CSMD2: variants seen among roughly 807,000 people sequenced by gnomAD.
The protein encoded by CSMD2 is CUB and sushi domain-containing protein 2.
Under a neutral mutation model 398.5 loss-of-function variants are expected in CSMD2, and 130 were observed. The ratio of observed to expected loss-of-function variants is 0.33; its 90% confidence interval spans 0.28 to 0.38. CSMD2 has a LOEUF of 0.38. Among genes scored for constraint, CSMD2 ranks in the 10% least tolerant of loss-of-function variants. CSMD2 has a pLI of 1.00. For synonymous variants in CSMD2, 1,828 were observed against 1,908.5 expected (o/e 0.96, Z 1.10); for missense variants, 3,829 against 4,764.9 (o/e 0.80, Z 5.78).
chr1:33,617,558 C>T lies in CSMD2; in HGVS notation c.5887G>A (p.Glu1963Lys), dbSNP rs147615570. 22 of 1,613,966 alleles carry T rather than the reference C, an allele frequency of 1.4e-5. No homozygotes were observed. Among genetic ancestry groups the T allele is most frequent in the African/African-American group, 5.3e-5 (4 of 74,888 alleles). The part of the protein sequence containing the change: ...AVPSNGVKTG[E>K]RYLVNDVVSF... ...ACCACATCATTCACCAAGTAGCGCT[C>T]GCCAGTCTTCACCCCGTTACTGGGC... The change falls in exon 38 of 71, where the codon GAG (glutamate) becomes AAG (lysine). Residue 1963 changes from glutamate (E) to lysine (K), a missense_variant. Transcript: ENST00000373381.
chr1:33,577,412 C>T lies in CSMD2; in HGVS notation c.7460G>A (p.Gly2487Asp), dbSNP rs1323999631. ...GGCGTTGCAGCCAAAGTGGATGGAG[C>T]CCCCGGGCTGGGTGCTGGTCTGGCC... ...ILGQTSTQPG[G>D]SIHFGCNAGY... The change falls in exon 49 of 71, where the codon GGC becomes GAC. Residue 2487 changes from glycine to aspartate, a missense_variant. Around this residue, in one of 5 missense-constraint regions of CSMD2, gnomAD observed 723 missense variants for 758.6 expected, o/e 0.95. Coordinates refer to ENST00000373381, the MANE Select transcript of CSMD2 (RefSeq NM_001281956.2). 1.2e-6 allele frequency: 2 copies of T among 1,613,824 alleles called. No homozygotes were observed. Among genetic ancestry groups the T allele is most frequent in the African/African-American group, 1.3e-5 (1 of 74,918 alleles).
intron 12 of CSMD2, among the ~76,000 whole-genome samples, chr1:33,782,971 C>A (rs1652985055): frequency 6.6e-6 from 1 of 151,868 alleles, no homozygotes; most frequent in South Asian, 2.1e-4. Context: ...AGTGAGAGGA[C>A]TAGAGCCAGC....
chr1:33,700,715 G>A (rs1280383904), intron 22 of CSMD2, 42 bp from the exon 23 acceptor site: 1 of 1,605,826 alleles, frequency 6.2e-7, no homozygotes, highest in Non-Finnish European at 8.5e-7. Flanking sequence ...CGTCAGCATG[G>A]CCTTATGTTG....
At chr1:34,155,119 G>A (rs887505857) in intron 1 of CSMD2, among the ~76,000 whole-genome samples, 1 of 152,170 alleles carries the variant, frequency 6.6e-6, no homozygotes, top group African/African-American at 2.4e-5. Context: ...GGGGATGAAG[G>A]GAGGCAAACT....
At chr1:33,628,973 T>C (rs1219382339) in intron 32 of CSMD2, among the ~76,000 whole-genome samples, 2 of 152,076 alleles carry the variant, frequency 1.3e-5, no homozygotes. Context: ...GTAATTTGAT[T>C]TACAATCAAG....
intron 65 of CSMD2, among the ~76,000 whole-genome samples, chr1:33,525,460 A>G (rs150482536): frequency 6.6e-6 from 1 of 152,328 alleles, no homozygotes; most frequent in African/African-American, 2.4e-5. Flanking sequence ...CACAAAGATA[A>G]ATATCATATG....
intron 5 of CSMD2, chr1:33,884,807 T>A (rs1374529860): frequency 6.6e-6 from 1 of 152,264 alleles, no homozygotes; most frequent in Non-Finnish European, 1.5e-5. Context: ...ATTTTCCATA[T>A]CCTTCAGGTA....
In CSMD2 at chr1:33,739,136, G is replaced by T; in HGVS notation, c.2368+4C>A. On this transcript the variant is annotated splice_donor_region_variant and intron_variant, in intron 15 of 70. Transcript: ENST00000373381. The stretch of plus-strand genomic sequence containing the variant: ...GCCACTGCTCCCAGCCTGCAGGCTC[G>T]TACCTTCACACCGCAGCACAGCGCT... 1 of 1,609,182 alleles carries T rather than the reference G, an allele frequency of 6.2e-7. No individual in the cohort carries two copies. Among genetic ancestry groups the T allele is most frequent in the Non-Finnish European group, 8.5e-7 (1 of 1,178,224 alleles).
intron 44 of CSMD2, among the ~76,000 whole-genome samples, chr1:33,597,086 A>G (rs1338725250): frequency 6.6e-6 from 1 of 152,054 alleles, no homozygotes; most frequent in Non-Finnish European, 1.5e-5. Context: ...TTTCTCTGTA[A>G]TTCAAACTTC....
intron 13 of CSMD2, among the ~76,000 whole-genome samples, chr1:33,768,654 A>G (rs112396566): frequency 0.024 from 3,651 of 151,828 alleles, 167 homozygotes; most frequent in African/African-American, 0.085. Context: ...GAGGGCCAGT[A>G]GGGCCATTTC....
intron 41 of CSMD2, among the ~76,000 whole-genome samples, chr1:33,607,118 T>G (rs972611431): frequency 2.2e-4 from 34 of 152,194 alleles, no homozygotes; most frequent in African/African-American, 8.0e-4. Context: ...GCCTAGCATT[T>G]GGGGACAATT....
intron 4 of CSMD2, among the ~76,000 whole-genome samples, chr1:33,928,340 G>A (rs1644197358): frequency 1.3e-5 from 2 of 152,220 alleles, no homozygotes; most frequent in East Asian, 1.9e-4. Context: ...GATTACAACA[G>A]GTAATGCAGG....
intron 2 of CSMD2, among the ~76,000 whole-genome samples, chr1:34,085,834 CTT>C (rs1303481689): frequency 2.6e-5 from 4 of 152,216 alleles, no homozygotes; most frequent in South Asian, 2.1e-4. Flanking sequence ...AACAAAGACT[CTT>C]TACTTCTTCC....
chr1:34,064,414 C>G (rs1350863710), intron 2 of CSMD2, among the ~76,000 whole-genome samples: 1 of 152,144 alleles, frequency 6.6e-6, no homozygotes, highest in Non-Finnish European at 1.5e-5. Flanking sequence ...TCATCTCTCT[C>G]AAGTTCAAAG....
intron 5 of CSMD2, among the ~76,000 whole-genome samples, chr1:33,883,869 C>T (rs1423387585): frequency 6.6e-6 from 1 of 152,158 alleles, no homozygotes; most frequent in African/African-American, 2.4e-5. Flanking sequence ...GACCAGGGCT[C>T]TTCAATATAA....
chr1:33,550,045 T>C, intron 56 of CSMD2, 132 bp downstream of exon 56: 2 of 847,964 alleles, frequency 2.4e-6, no homozygotes, highest in South Asian at 1.7e-5. Context: ...TTCTACCTGT[T>C]AGGGTAGATA....
Position 34,164,109 on chromosome 1 carries a change from G to A in CSMD2, c.187+802C>T, listed in dbSNP as rs1369327042. The stretch of plus-strand genomic sequence containing the variant: ...CAGCCGAGGCGCTCGGCTGCAGCAG[G>A]GCGCGGGAAAGGGCACTTTGGCGCG... On this transcript the variant is annotated intron_variant, in intron 1 of 70. Coordinates refer to ENST00000373381, the MANE Select transcript of CSMD2 (RefSeq NM_001281956.2). The surrounding 1 kb of genome is among the most constrained non-coding windows in gnomAD (Gnocchi z 6.2). 6.6e-6 allele frequency among the ~76,000 whole-genome samples: 1 copy of A among 152,114 alleles called. No individual in the cohort carries two copies. The highest frequency in any genetic ancestry group is 2.4e-5 in the African/African-American group (1 of 41,444).
intron 56 of CSMD2, among the ~76,000 whole-genome samples, chr1:33,547,043 C>T (rs1370697743): frequency 3.9e-5 from 6 of 152,106 alleles, no homozygotes; most frequent in East Asian, 1.9e-4. Flanking sequence ...TCAAGGTGAT[C>T]GATGCTGGGC....
intron 41 of CSMD2, among the ~76,000 whole-genome samples, chr1:33,608,355 C>T (rs577750656): frequency 1.1e-4 from 16 of 152,196 alleles, no homozygotes; most frequent in South Asian, 4.2e-4. Flanking sequence ...GCACAGTGCA[C>T]GGGGTGGGCC....
Sources: gnomAD v4.1 joint callset for allele counts (sites outside exome capture counted in the v4.1 genomes callset) on GRCh38, gnomAD v4.1.1 for gene constraint, gnomAD v4.1.1 regional missense constraint, Gnocchi (gnomAD v3.1) non-coding constraint, MANE v1.5 for transcripts, NCBI Gene and HGNC (gene_info 2026-07-23, HGNC 2026-07-21) for gene names.